The following NEGR1 variants were observed in gnomAD, a reference collection of about 807,000 sequenced individuals.
The protein encoded by NEGR1 is neuronal growth regulator 1.
Under a neutral mutation model 40.9 loss-of-function variants are expected in NEGR1, and 10 were observed. The ratio of observed to expected loss-of-function variants is 0.24; its 90% CI spans 0.15 to 0.42. NEGR1 has a LOEUF of 0.42. Among genes scored for constraint, NEGR1 ranks in the 10% least tolerant of loss-of-function variants. The pLI is 1.00. For missense variants in NEGR1, 352 were observed against 438.9 expected, an observed-to-expected ratio of 0.80 and a Z score of 1.77; for synonymous variants, 185 against 166.8, an observed-to-expected ratio of 1.11 and a Z score of -0.84.
At chr1:72,217,381 T>A (rs1190127460) in intron 1 of NEGR1, among the ~76,000 whole-genome samples, 1 of 151,896 alleles carries the variant, frequency 6.6e-6, no homozygotes, top group African/African-American at 2.4e-5. Flanking sequence ...AATATATCAA[T>A]GTTAAACAAA....
At chr1:71,540,438 G>A (rs188981037) in intron 6 of NEGR1, among the ~76,000 whole-genome samples, 12 of 151,836 alleles carry the variant, frequency 7.9e-5, no homozygotes, top group Non-Finnish European at 1.5e-4. Context: ...ATTACTCCTA[G>A]GAACTGAATT....
chr1:72,067,639 C>T (rs193196120), intron 1 of NEGR1, among the ~76,000 whole-genome samples: 1 of 151,976 alleles, frequency 6.6e-6, no homozygotes, highest in Non-Finnish European at 1.5e-5. Context: ...ATTTTGTTGT[C>T]CACTCTAACA....
At chr1:71,770,715 G>T (rs1299622223) in intron 3 of NEGR1, among the ~76,000 whole-genome samples, 1 of 152,126 alleles carries the variant, frequency 6.6e-6, no homozygotes, top group East Asian at 1.9e-4. Flanking sequence ...AAACATTAAA[G>T]ACTTTTTAAA....
At chr1:71,464,320 T>C (rs1188186911) in intron 6 of NEGR1, among the ~76,000 whole-genome samples, 3 of 152,096 alleles carry the variant, frequency 2.0e-5, no homozygotes, top group African/African-American at 7.2e-5. Context: ...GAGGAAAGAC[T>C]GCAATGGCTT....
At chr1:71,922,636 G>A (rs969201200) in intron 2 of NEGR1, among the ~76,000 whole-genome samples, 3 of 152,122 alleles carry the variant, frequency 2.0e-5, no homozygotes, top group Non-Finnish European at 4.4e-5. Flanking sequence ...CTTGGAATCA[G>A]TGAGAGCAAT....
At chr1:72,130,951 AAG>A (rs765642236) in intron 1 of NEGR1, among the ~76,000 whole-genome samples, 11 of 152,326 alleles carry the variant, frequency 7.2e-5, no homozygotes, top group African/African-American at 2.2e-4. Flanking sequence ...AATTAGGAAA[AAG>A]AGAGAAATGA....
intron 1 of NEGR1, among the ~76,000 whole-genome samples, chr1:71,977,862 G>T (rs1646320620): frequency 6.6e-6 from 1 of 150,908 alleles, no homozygotes; most frequent in African/African-American, 2.4e-5. Context: ...CAGCACCCTT[G>T]GAAGGTACAA....
chr1:71,492,108 C>T (rs1005630438), intron 6 of NEGR1, among the ~76,000 whole-genome samples: 1 of 152,066 alleles, frequency 6.6e-6, no homozygotes, highest in African/African-American at 2.4e-5. Flanking sequence ...GCACTTTGAT[C>T]TTGGAGAGCT....
chr1:71,455,138 C>T (rs1252950221), intron 6 of NEGR1, among the ~76,000 whole-genome samples: 2 of 152,180 alleles, frequency 1.3e-5, no homozygotes, highest in Non-Finnish European at 2.9e-5. Flanking sequence ...ACTTAGTCTC[C>T]AAGAACCAGT....
At chr1:72,111,899 G>A (rs1290914452) in intron 1 of NEGR1, among the ~76,000 whole-genome samples, 1 of 151,742 alleles carries the variant, frequency 6.6e-6, no homozygotes, top group Non-Finnish European at 1.5e-5. Flanking sequence ...CTCCTACATA[G>A]GAGATAATTA....
At chr1:71,429,791 C>A (rs545022001) in intron 6 of NEGR1, among the ~76,000 whole-genome samples, 110 of 152,278 alleles carry the variant, frequency 7.2e-4, no homozygotes, top group Non-Finnish European at 1.4e-3. Context: ...TGTTTGCTTT[C>A]AGTTCAAAGT....
At chr1:71,967,842 G>T (rs75984088) in intron 1 of NEGR1, among the ~76,000 whole-genome samples, 1 of 152,284 alleles carries the variant, frequency 6.6e-6, no homozygotes, top group African/African-American at 2.4e-5. Flanking sequence ...TGACTGGAGG[G>T]GAAGTGGTTG....
At chr1:71,726,703 G>T (rs146639340) in intron 3 of NEGR1, among the ~76,000 whole-genome samples, 1 of 151,976 alleles carries the variant, frequency 6.6e-6, no homozygotes, top group East Asian at 1.9e-4. Flanking sequence ...AGCTTTGATA[G>T]GTCCTGCAGT....
At chr1:72,012,913 G>A (rs1228860251) in intron 1 of NEGR1, among the ~76,000 whole-genome samples, 3 of 148,130 alleles carry the variant, frequency 2.0e-5, no homozygotes, top group Admixed American at 6.7e-5. Context: ...TAGTTGTAGG[G>A]GCTAGAAAAA....
At chr1:71,593,896 T>C (rs1195806432) in intron 5 of NEGR1, among the ~76,000 whole-genome samples, 2 of 152,358 alleles carry the variant, frequency 1.3e-5, no homozygotes, top group African/African-American at 4.8e-5. Flanking sequence ...TCTCTGTATG[T>C]TTCTTTTGTA....
At chr1:71,853,889 T>C (rs963868630) in intron 2 of NEGR1, among the ~76,000 whole-genome samples, 1 of 152,176 alleles carries the variant, frequency 6.6e-6, no homozygotes, top group Admixed American at 6.6e-5. Context: ...TGAATGTGTT[T>C]AGTTCAGAGC....
Position 72,214,850 on chromosome 1 carries a change from G to GA in NEGR1, c.176+67468dup, listed in dbSNP as rs151146422. ...CATTGAATTTCTTCTCAGAATTAGC[G>GA]AAAAAAAAAAAAATACTAATGTAAA... On this transcript the variant is annotated intron_variant, in intron 1 of 6. Coordinates refer to ENST00000357731, the MANE Select transcript of NEGR1 (RefSeq NM_173808.3). 4.1e-3 allele frequency among the ~76,000 whole-genome samples: 585 copies of GA among 142,732 alleles called. 1 individual carries two copies. Among genetic ancestry groups the GA allele is most frequent in the African/African-American group, 5.6e-3 (222 of 39,300 alleles). 93.6% of individuals were successfully genotyped at this position (142,732 alleles called of 152,430 possible). A position where few individuals can be genotyped will look rare whatever the true frequency, so the allele number is the denominator to read the frequency against.
intron 1 of NEGR1, among the ~76,000 whole-genome samples, chr1:72,010,320 G>A (rs911485587): frequency 6.6e-6 from 1 of 151,926 alleles, no homozygotes; most frequent in Non-Finnish European, 1.5e-5. Context: ...GTGAGGTAGG[G>A]GAAGAAACCA....
chr1:71,529,477 C>T (rs181758492), intron 6 of NEGR1, among the ~76,000 whole-genome samples: 1 of 151,218 alleles, frequency 6.6e-6, no homozygotes, highest in African/African-American at 2.4e-5. Context: ...ACAAAGCAAC[C>T]CAATAAATAA....
Sources: allele counts gnomAD v4.1 joint callset (sites outside exome capture counted in the v4.1 genomes callset), GRCh38; gene constraint gnomAD v4.1.1; transcripts MANE v1.5; gene names NCBI Gene and HGNC (gene_info 2026-07-23, HGNC 2026-07-21).